CNBD1: variants seen among roughly 807,000 people sequenced by gnomAD.
CNBD1 encodes the protein cyclic nucleotide binding domain containing 1, also known as cyclic nucleotide-binding domain-containing protein 1.
In CNBD1, 71 loss-of-function variants were observed where a neutral mutation model predicts 54.4. The observed-to-expected ratio is 1.30, with a 90% CI of 1.08 to 1.59. The LOEUF is 1.59. Among genes scored for constraint, CNBD1 ranks in the 40% most tolerant of loss-of-function variants. The probability of loss-of-function intolerance (pLI) is 0.00; values close to 1 mark genes in which losing one functional copy is unlikely to be tolerated. For synonymous variants in CNBD1, 182 were observed against 170.7 expected, an observed-to-expected ratio of 1.07 and a Z score of -0.51; for missense variants, 659 against 518.0, an observed-to-expected ratio of 1.27 and a Z score of -2.64.
chr8:87,127,112 C>G (rs1812008976), intron 4 of CNBD1, among the ~76,000 whole-genome samples: 2 of 151,886 alleles, frequency 1.3e-5, no homozygotes, highest in Non-Finnish European at 2.9e-5. Context: ...CAAAATTGCT[C>G]TTATTTTTCA....
chr8:87,014,687 T>C (rs1247648401), intron 4 of CNBD1, among the ~76,000 whole-genome samples: 1 of 152,056 alleles, frequency 6.6e-6, no homozygotes, highest in Non-Finnish European at 1.5e-5. Context: ...AGTATCTGGG[T>C]AATTTGTAAT....
intron 2 of CNBD1, among the ~76,000 whole-genome samples, chr8:87,423,282 A>G (rs977900394): frequency 1.7e-4 from 26 of 149,908 alleles, no homozygotes; most frequent in Middle Eastern, 3.4e-3. Flanking sequence ...TCTCCTGCCT[A>G]ATTGCCCTGG....
intron 6 of CNBD1, among the ~76,000 whole-genome samples, chr8:87,283,775 G>A (rs7460580): frequency 0.28 from 42,747 of 151,862 alleles, 6,464 homozygotes; most frequent in African/African-American, 0.39. Flanking sequence ...CTCTCACCTT[G>A]CATGGCTCTG....
intron 4 of CNBD1, among the ~76,000 whole-genome samples, chr8:87,020,572 T>C (rs1809464974): frequency 6.6e-6 from 1 of 152,298 alleles, no homozygotes; most frequent in South Asian, 2.1e-4. Flanking sequence ...TATGGAGTCA[T>C]GTCCTACAAA....
At chr8:87,400,270 C>T (rs1282796709) in intron 2 of CNBD1, among the ~76,000 whole-genome samples, 1 of 151,868 alleles carries the variant, frequency 6.6e-6, no homozygotes, top group African/African-American at 2.4e-5. Context: ...ATTACTTTTG[C>T]ACCAAACTAA....
intron 5 of CNBD1, among the ~76,000 whole-genome samples, chr8:87,228,937 T>G (rs1814588831): frequency 1.3e-5 from 2 of 152,150 alleles, no homozygotes; most frequent in African/African-American, 4.8e-5. Flanking sequence ...GGATATAATC[T>G]CATGGTGCGC....
intron 2 of CNBD1, among the ~76,000 whole-genome samples, chr8:87,424,141 A>G (rs976868519): frequency 6.6e-6 from 1 of 151,824 alleles, no homozygotes; most frequent in Non-Finnish European, 1.5e-5. Flanking sequence ...ATCATTTTTT[A>G]TTGCATCTAT....
At chr8:87,269,861 A>T (rs1808329117) in intron 6 of CNBD1, among the ~76,000 whole-genome samples, 1 of 152,054 alleles carries the variant, frequency 6.6e-6, no homozygotes, top group Admixed American at 6.6e-5. Context: ...TACCATTCCT[A>T]GTGAAATTAT....
chr8:87,175,328 C>G (rs997528725), intron 4 of CNBD1, among the ~76,000 whole-genome samples: 1 of 152,148 alleles, frequency 6.6e-6, no homozygotes, highest in African/African-American at 2.4e-5. Flanking sequence ...TCCAGAGTCA[C>G]CACAGCTGGG....
chr8:86,935,765 T>C (rs1328489029), intron 3 of CNBD1, among the ~76,000 whole-genome samples: 2 of 152,200 alleles, frequency 1.3e-5, no homozygotes, highest in East Asian at 1.9e-4. Flanking sequence ...CTTATACTTA[T>C]TTTGAGTATA....
chr8:87,049,344 T>C (rs1563449367), intron 4 of CNBD1, among the ~76,000 whole-genome samples: 1 of 152,178 alleles, frequency 6.6e-6, no homozygotes, highest in Non-Finnish European at 1.5e-5. Flanking sequence ...CTTCCAGATA[T>C]CAGCATGGAC....
downstream of CNBD1, chr8:87,382,909 A>G (rs1462621031): frequency 1.5e-5 from 4 of 265,360 alleles, no homozygotes; most frequent in African/African-American, 8.3e-5. Context: ...ATACATGTAA[A>G]GTAGTTGTAA....
At chr8:87,397,324 T>C (rs1416243211) in intron 2 of CNBD1, among the ~76,000 whole-genome samples, 1 of 151,942 alleles carries the variant, frequency 6.6e-6, no homozygotes, top group Non-Finnish European at 1.5e-5. Context: ...ACTTTCCTAG[T>C]TAGTGTGCTT....
chr8:87,128,100 T>G (rs367981579), intron 4 of CNBD1, among the ~76,000 whole-genome samples: 8 of 152,254 alleles, frequency 5.3e-5, no homozygotes, highest in African/African-American at 1.7e-4. Context: ...TCCATTACAT[T>G]TCCAGCTCCC....
At chr8:87,284,527 C>T (rs1388020332) in intron 6 of CNBD1, 151 bp from the exon 7 acceptor site, 7 of 489,430 alleles carry the variant, frequency 1.4e-5, no homozygotes, top group Non-Finnish European at 2.4e-5. Flanking sequence ...GAAGTGACAT[C>T]GAGCAGAAGT....
intron 5 of CNBD1, among the ~76,000 whole-genome samples, chr8:87,219,025 A>G (rs989713433): frequency 1.3e-5 from 2 of 152,110 alleles, no homozygotes; most frequent in Middle Eastern, 3.4e-3. Context: ...TATGCATAAT[A>G]AGAAACTGTT....
In CNBD1 at chr8:87,215,259, AAATCTCCAG is replaced by A. The variant is rs1814184500; in HGVS notation, c.577+9125_577+9133del. 5.3e-5 allele frequency among the ~76,000 whole-genome samples: 8 copies of A among 152,284 alleles called. 1 individual carries two copies. In the South Asian group the frequency reaches 1.7e-3, roughly 32 times the overall value. On this transcript the variant is annotated intron_variant, in intron 5 of 10. Transcript: ENST00000518476. ...ACGTGTTTATGACTGCTTTTATATG[AAATCTCCAG>A]AATAGGCCAATTCATTTGGACATCA...
At chr8:87,303,475 CA>C (rs976580474) in intron 8 of CNBD1, among the ~76,000 whole-genome samples, 1 of 151,830 alleles carries the variant, frequency 6.6e-6, no homozygotes, top group African/African-American at 2.4e-5. Context: ...ACACCTTATA[CA>C]AAAATTAATT....
In CNBD1 at chr8:87,300,972, A is replaced by T. The variant is rs560581478; in HGVS notation, c.1042+14301A>T. On this transcript the variant is annotated intron_variant, in intron 8 of 10. Transcript: ENST00000518476. Reference sequence around the variant, plus strand: ...ATTGGCATGATTAACCAAGAAAAGAAGAGAGAAAATCCAAATAACCCCACT... The same window carrying T: ...ATTGGCATGATTAACCAAGAAAAGATGAGAGAAAATCCAAATAACCCCACT... Among the ~76,000 whole-genome samples the T allele has an allele frequency of 5.9e-5, 9 of 152,252 alleles. No individual in the cohort carries two copies. The South Asian group carries it at 1.9e-3, about 32-fold the overall frequency.
Sources: gnomAD v4.1 joint callset for allele counts (sites outside exome capture counted in the v4.1 genomes callset) on GRCh38, gnomAD v4.1.1 for gene constraint, MANE v1.5 for transcripts, NCBI Gene and HGNC (gene_info 2026-07-23, HGNC 2026-07-21) for gene names.